CDH1: variants seen among roughly 807,000 people sequenced by gnomAD.
CDH1 encodes cadherin 1.
CDH1 carries 35 observed loss-of-function variants against 84.5 expected under a neutral mutation model. The observed-to-expected ratio is 0.41, with a 90% CI of 0.32 to 0.55. The LOEUF (loss-of-function observed/expected upper bound fraction) is 0.55, where lower values mean the gene tolerates loss of function less well. Ranked by LOEUF, CDH1 falls within the 20% of genes least tolerant of loss-of-function variation. The pLI is 0.19. For synonymous variants in CDH1, 417 were observed against 439.0 expected (o/e 0.95, Z 0.63); for missense variants, 994 against 1,126.6 (o/e 0.88, Z 1.68).
chr16:68,758,686 A>C (rs113989174), intron 2 of CDH1, among the ~76,000 whole-genome samples: 3,877 of 140,242 alleles, frequency 0.028, 76 homozygotes, highest in Non-Finnish European at 0.043. Context: ...GGGGGCGGGT[A>C]GTGTAAGTGT....
chr16:68,786,648 A>C (rs1176970994), intron 2 of CDH1, among the ~76,000 whole-genome samples: 1 of 145,722 alleles, frequency 6.9e-6, no homozygotes, highest in African/African-American at 2.6e-5. Flanking sequence ...CTTTCCAGGC[A>C]GCCAGAGTAG....
At chr16:68,829,915 T>TGAGCCCTG in intron 15 of CDH1, 118 bp downstream of exon 15, 1 of 1,068,166 alleles carries the variant, frequency 9.4e-7, no homozygotes, top group South Asian at 1.3e-5. Context: ...TCAGCTTGCC[T>TGAGCCCTG]GAGCCCTGGA....
At position 68,823,227 on chromosome 16, in the gene CDH1, C is replaced by T. The variant is rs888550692; in HGVS notation, c.1937-172C>T. On this transcript the variant is annotated intron_variant, in intron 12 of 15. Transcript: ENST00000261769. ...AGCCTTAGACCAAATGGAAATAAAG[C>T]TTTTTACAGCAAAAAAAAAAAAAAA... 1.1e-5 allele frequency: 7 copies of T among 611,484 alleles called. No individual in the cohort carries two copies. In the African/African-American group the frequency reaches 1.2e-4, roughly 11 times the overall value. The allele number at this position is 611,484 out of a possible 1,614,324, so 37.9% of individuals were successfully genotyped here.
At chr16:68,832,237 C>T (rs1383608208) in intron 15 of CDH1, among the ~76,000 whole-genome samples, 2 of 151,358 alleles carry the variant, frequency 1.3e-5, no homozygotes, top group African/African-American at 2.4e-5. Flanking sequence ...CATGAGTTTA[C>T]GATTTGTTAC....
chr16:68,811,923 C>G (rs2152132255), intron 7 of CDH1, 64 bp downstream of exon 7: 2 of 1,574,318 alleles, frequency 1.3e-6, no homozygotes, highest in Admixed American at 1.7e-5. Context: ...ATCCCGTGGA[C>G]AAAGCAAAAT....
intron 2 of CDH1, among the ~76,000 whole-genome samples, chr16:68,756,482 C>G (rs1291726045): frequency 1.3e-5 from 2 of 152,032 alleles, no homozygotes; most frequent in Non-Finnish European, 2.9e-5. Flanking sequence ...GACAGGTACT[C>G]TAGGTGCCGG....
At chr16:68,790,055 TCAAAAA>T (rs1039149054) in intron 2 of CDH1, among the ~76,000 whole-genome samples, 4 of 151,978 alleles carry the variant, frequency 2.6e-5, no homozygotes, top group Non-Finnish European at 4.4e-5. Context: ...AAACTCCATC[TCAAAAA>T]CAAAAACAAA....
At chr16:68,821,218 A>G (rs1263786426) in intron 11 of CDH1, among the ~76,000 whole-genome samples, 1 of 152,142 alleles carries the variant, frequency 6.6e-6, no homozygotes, top group African/African-American at 2.4e-5. Flanking sequence ...CACGCCTATA[A>G]TCCCAACACT....
In CDH1 at chr16:68,737,319, T is replaced by G; in HGVS notation, c.-97T>G. The G allele has an allele frequency of 1.5e-5, 16 of 1,034,798 alleles. No individual in the cohort carries two copies. Among genetic ancestry groups the G allele is most frequent in the Non-Finnish European group, 2.0e-5 (14 of 713,710 alleles). The allele number at this position is 1,034,798 out of a possible 1,614,324, so 64.1% of individuals were successfully genotyped here. On this transcript the variant is annotated 5_prime_UTR_variant, in exon 1 of 16. Coordinates refer to ENST00000261769, the MANE Select transcript of CDH1 (RefSeq NM_004360.5). ...TGGCGTCGGAACTGCAAAGCACCTG[T>G]GAGCTTGCGGAAGTCAGTTCAGACT...
At chr16:68,787,303 TGTGACCTTGACAAGGCC>T (rs1277737061) in intron 2 of CDH1, among the ~76,000 whole-genome samples, 1 of 152,176 alleles carries the variant, frequency 6.6e-6, no homozygotes, top group Non-Finnish European at 1.5e-5. Flanking sequence ...TGACCTGCTC[TGTGACCTTGACAAGGCC>T]CTGACCTTGA....
At chr16:68,823,041 ACAGGCCAGCCGGCCTC>A (rs1961205716) in intron 12 of CDH1, 3 of 302,460 alleles carry the variant, frequency 9.9e-6, no homozygotes, top group South Asian at 4.0e-5. Context: ...ACCAACCTTC[ACAGGCCAGCCGGCCTC>A]CAGGCCGGGC....
rs587776398 is a variant in CDH1, at chr16:68,812,149, T to C, written c.1023T>C (p.Tyr341=). The C allele has an allele frequency of 2.5e-5, 40 of 1,614,050 alleles. No homozygotes were observed. In the South Asian group the frequency reaches 4.4e-4, roughly 18 times the overall value. The change falls in exon 8 of 16, where the codon TAT becomes TAC. Residue 341 remains tyrosine, a synonymous_variant. Transcript: ENST00000261769. ...TCTCTCTGCAGAGTTTCCCTACGTATACCCTGGTGGTTCAAGCTGCTGACC... is the reference window on the plus strand; with the variant it reads ...TCTCTCTGCAGAGTTTCCCTACGTACACCCTGGTGGTTCAAGCTGCTGACC... The part of the protein sequence containing the change: ...TGLDRESFPT[Y]TLVVQAADLQ...
chr16:68,764,317 C>T (rs2152119727), intron 2 of CDH1, among the ~76,000 whole-genome samples: 1 of 152,350 alleles, frequency 6.6e-6, no homozygotes, highest in South Asian at 2.1e-4. Context: ...TGGCTCACGC[C>T]TGTAATCCCA....
intron 15 of CDH1, among the ~76,000 whole-genome samples, chr16:68,832,102 A>G (rs1961498814): frequency 6.6e-6 from 1 of 152,038 alleles, no homozygotes; most frequent in African/African-American, 2.4e-5. Flanking sequence ...ATGGACACAA[A>G]GAAGAGAACA....
intron 1 of CDH1, 58 bp downstream of exon 1, chr16:68,737,521 A>AGCCCCGTGCCCCAGCCCTGCGCCCTGC (rs552723559): frequency 1.5e-6 from 2 of 1,311,578 alleles, no homozygotes; most frequent in Admixed American, 4.0e-5. Context: ...TCCGCGCCCC[A>AGCCCCGTGCCCCAGCCCTGCGCCCTGC]GCCCTGCGCC....
chr16:68,804,996 A>ATT (rs71148951), intron 3 of CDH1, among the ~76,000 whole-genome samples: 49 of 89,686 alleles, frequency 5.5e-4, no homozygotes, highest in East Asian at 9.6e-4. Flanking sequence ...TGCCCAGCTA[A>ATT]TTTTTTTTTT....
Position 68,834,853 on chromosome 16 carries a change from TGG to T in CDH1, c.*1356_*1357del, listed in dbSNP as rs1182501834. The T allele has an allele frequency of 5.2e-5, 12 of 232,582 alleles. No individual in the cohort carries two copies. The highest frequency in any genetic ancestry group is 2.7e-4 in the African/African-American group (12 of 45,280). 14.4% of individuals were successfully genotyped at this position (232,582 alleles called of 1,614,324 possible). On this transcript the variant is annotated 3_prime_UTR_variant, in exon 16 of 16. Coordinates refer to ENST00000261769, the MANE Select transcript of CDH1 (RefSeq NM_004360.5). ...AAAGACAGAGCGGAACTATGAAAAG[TGG>T]GCTTGGAGATGGCAGGAGAGCTTGT... is the stretch of plus-strand genomic sequence containing the variant.
intron 12 of CDH1, chr16:68,822,497 G>A: frequency 3.6e-6 from 2 of 558,898 alleles, no homozygotes; most frequent in South Asian, 3.8e-5. Context: ...CTCTCCACTT[G>A]CAACCAGGAC....
intron 2 of CDH1, among the ~76,000 whole-genome samples, chr16:68,752,549 G>A (rs930619863): frequency 8.8e-6 from 1 of 113,192 alleles, no homozygotes; most frequent in African/African-American, 3.1e-5. Flanking sequence ...AATACAGACA[G>A]GACTAAACAG....
Sources: allele counts gnomAD v4.1 joint callset (sites outside exome capture counted in the v4.1 genomes callset), GRCh38; gene constraint gnomAD v4.1.1; transcripts MANE v1.5; gene names NCBI Gene and HGNC (gene_info 2026-07-23, HGNC 2026-07-21).